The following SEPTIN7 variants were observed in gnomAD, a reference collection of about 807,000 sequenced individuals.
SEPTIN7 encodes septin 7, also known as septin-7.
SEPTIN7 carries 10 observed loss-of-function variants against 63.3 expected under a neutral mutation model. The ratio of observed to expected loss-of-function variants is 0.16; its 90% confidence interval spans 0.10 to 0.27. The LOEUF is 0.27. SEPTIN7 is among the 10% of genes least tolerant of loss of function. The pLI is 1.00. For missense variants in SEPTIN7, 310 were observed against 521.0 expected, an observed-to-expected ratio of 0.59 and a Z score of 3.94; for synonymous variants, 131 against 165.3, an observed-to-expected ratio of 0.79 and a Z score of 1.59.
intron 4 of SEPTIN7, among the ~76,000 whole-genome samples, chr7:35,871,437 A>AC (rs1190276234): frequency 6.6e-6 from 1 of 152,222 alleles, no homozygotes; most frequent in Non-Finnish European, 1.5e-5. Context: ...TGCAGTAGTC[A>AC]GATTTCAAGG....
chr7:35,830,714 T>G (rs1783792832), intron 1 of SEPTIN7, among the ~76,000 whole-genome samples: 1 of 152,252 alleles, frequency 6.6e-6, no homozygotes, highest in African/African-American at 2.4e-5. Context: ...AAGTGGGTTG[T>G]GATATAACTC....
intron 3 of SEPTIN7, among the ~76,000 whole-genome samples, chr7:35,862,389 C>T (rs909442544): frequency 6.6e-6 from 1 of 152,076 alleles, no homozygotes; most frequent in Non-Finnish European, 1.5e-5. Flanking sequence ...TTTCCCAAAA[C>T]ATTATTGTAT....
chr7:35,875,741 T>G (rs1200707217), intron 6 of SEPTIN7, among the ~76,000 whole-genome samples: 1 of 152,174 alleles, frequency 6.6e-6, no homozygotes, highest in Non-Finnish European at 1.5e-5. Context: ...TGTCATCCAG[T>G]GAGTTTTATA....
At chr7:35,820,323 T>A (rs1334933908) in intron 1 of SEPTIN7, among the ~76,000 whole-genome samples, 2 of 152,134 alleles carry the variant, frequency 1.3e-5, no homozygotes, top group East Asian at 3.8e-4. Context: ...CAGTTCTGTT[T>A]CTTCAAATAT....
intron 1 of SEPTIN7, among the ~76,000 whole-genome samples, chr7:35,804,731 C>G (rs544732262): frequency 6.6e-6 from 1 of 152,122 alleles, no homozygotes; most frequent in Non-Finnish European, 1.5e-5. Context: ...CTACTATACA[C>G]CTGGGCTATA....
intron 1 of SEPTIN7, among the ~76,000 whole-genome samples, chr7:35,819,158 A>G (rs1305340636): frequency 6.6e-6 from 1 of 152,002 alleles, no homozygotes; most frequent in Non-Finnish European, 1.5e-5. Context: ...TTTTAGTTTC[A>G]TTCATCTCAA....
At chr7:35,835,942 T>C (rs1784062524) in intron 3 of SEPTIN7, among the ~76,000 whole-genome samples, 2 of 152,210 alleles carry the variant, frequency 1.3e-5, no homozygotes, top group Non-Finnish European at 2.9e-5. Flanking sequence ...GATAGGTTGT[T>C]AGCTTGTATG....
rs564587560 is a variant in SEPTIN7 at position 35,812,452 on chromosome 7, T to C, written c.61+11182T>C. Among the ~76,000 whole-genome samples, 4 of 151,856 alleles carry C rather than the reference T, an allele frequency of 2.6e-5. No homozygotes were observed. In the East Asian group the frequency reaches 7.8e-4, roughly 29 times the overall value. ...AGAAATAATGCTACAGACATGCAAA[T>C]ATAGCACGATATATGATATAAATGC... On this transcript the variant is annotated intron_variant, in intron 1 of 13. Coordinates refer to ENST00000350320, the MANE Select transcript of SEPTIN7 (RefSeq NM_001788.6).
At chr7:35,897,391 T>C (rs549583777) in intron 11 of SEPTIN7, among the ~76,000 whole-genome samples, 13 of 152,334 alleles carry the variant, frequency 8.5e-5, no homozygotes, top group African/African-American at 3.1e-4. Context: ...TGTGTCTCTG[T>C]GTAAGTATAT....
At chr7:35,858,681 CTTTTTTTT>C (rs376678701) in intron 3 of SEPTIN7, among the ~76,000 whole-genome samples, 3 of 127,302 alleles carry the variant, frequency 2.4e-5, no homozygotes, top group East Asian at 4.8e-4. Context: ...TTTTCTTTTT[CTTTTTTTT>C]TTTTTTTTGA....
At chr7:35,902,209 T>A (rs1343213912) in intron 12 of SEPTIN7, 1 of 151,956 alleles carries the variant, frequency 6.6e-6, no homozygotes, top group African/African-American at 2.4e-5. Context: ...TTTTAAAATT[T>A]GTTGACTTTT....
At chr7:35,821,652 G>A (rs1193284934) in intron 1 of SEPTIN7, among the ~76,000 whole-genome samples, 2 of 152,206 alleles carry the variant, frequency 1.3e-5, no homozygotes, top group East Asian at 3.8e-4. Context: ...AAAAACTTCA[G>A]TTTTTGGTCC....
the SEPTIN7 span, among the ~76,000 whole-genome samples, chr7:35,915,623 C>CA: frequency 6.6e-6 from 1 of 152,152 alleles, no homozygotes; most frequent in Admixed American, 6.5e-5. Flanking sequence ...TTGAAAAACT[C>CA]ATTTTGTTTG....
intron 5 of SEPTIN7, 110 bp downstream of exon 5, chr7:35,872,876 C>G (rs1435840104): frequency 2.8e-6 from 2 of 714,642 alleles, no homozygotes; most frequent in Non-Finnish European, 4.9e-6. Flanking sequence ...GGTCACCAAA[C>G]TTCAAGCAAC....
downstream of SEPTIN7, among the ~76,000 whole-genome samples, chr7:35,907,578 C>G (rs1045827840): frequency 2.4e-4 from 36 of 152,190 alleles, no homozygotes; most frequent in African/African-American, 7.9e-4. Context: ...ACTGGCAGAA[C>G]AAGAGTTTGA....
chr7:35,844,358 A>G (rs576845320), intron 3 of SEPTIN7, among the ~76,000 whole-genome samples: 19 of 152,344 alleles, frequency 1.2e-4, no homozygotes, highest in African/African-American at 4.6e-4. Flanking sequence ...TTTGGAATTT[A>G]CAATTTATTT....
chr7:35,851,076 A>G (rs1474133612), intron 3 of SEPTIN7, among the ~76,000 whole-genome samples: 1 of 152,158 alleles, frequency 6.6e-6, no homozygotes, highest in Non-Finnish European at 1.5e-5. Flanking sequence ...AAAACCTTAT[A>G]AACAAATAGG....
rs149543873 is a variant in SEPTIN7, at chr7:35,886,742, CTT to C, written c.872+866_872+867del. 7.6e-3 allele frequency among the ~76,000 whole-genome samples: 1,157 copies of C among 152,210 alleles called. 10 individuals are homozygous for C. Among genetic ancestry groups the C allele is most frequent in the African/African-American group, 0.026 (1,089 of 41,510 alleles). On this transcript the variant is annotated intron_variant, in intron 10 of 13. Transcript: ENST00000350320. ...CCACTTTCCCAAAACATAAGAATCT[CTT>C]TTGCTGTGTAAAGAAAGGTAGTTAC...
chr7:35,804,653 G>A (rs1457151894), intron 1 of SEPTIN7, among the ~76,000 whole-genome samples: 1 of 152,126 alleles, frequency 6.6e-6, no homozygotes, highest in East Asian at 1.9e-4. Context: ...ACAGTTAGGC[G>A]TTGTTAACAA....
Sources: allele counts gnomAD v4.1 joint callset (sites outside exome capture counted in the v4.1 genomes callset), GRCh38; gene constraint gnomAD v4.1.1; transcripts MANE v1.5; gene names NCBI Gene and HGNC (gene_info 2026-07-23, HGNC 2026-07-21).